Variants in APBB2 observed in about 807,000 individuals in gnomAD.
The protein encoded by APBB2 is amyloid beta precursor protein binding family B member 2.
In APBB2, 38 loss-of-function variants were observed where a neutral mutation model predicts 82.5. That is an observed-to-expected ratio of 0.46 (90% CI 0.36 to 0.60). The LOEUF is 0.60. Among genes scored for constraint, APBB2 ranks in the 20% least tolerant of loss-of-function variants. The pLI is 0.00. For synonymous variants in APBB2, 341 were observed against 368.2 expected (o/e 0.93, Z 0.85); for missense variants, 772 against 972.3 (o/e 0.79, Z 2.74).
At chr4:40,858,822 G>A (rs1036421804) in intron 12 of APBB2, among the ~76,000 whole-genome samples, 42 of 151,944 alleles carry the variant, frequency 2.8e-4, no homozygotes, top group African/African-American at 9.7e-4. Context: ...CTGAATCTAC[G>A]ATCAGTAACA....
intron 2 of APBB2, among the ~76,000 whole-genome samples, chr4:41,123,695 C>T (rs570314001): frequency 2.6e-4 from 40 of 152,166 alleles, no homozygotes; most frequent in African/African-American, 5.3e-4. Context: ...TGGTGGCATG[C>T]GCCTGCAGTA....
rs187357769 is a variant in APBB2, at chr4:40,949,479, G to A, written c.836-4406C>T. On this transcript the variant is annotated intron_variant, in intron 6 of 17. Coordinates refer to ENST00000508593, the MANE Select transcript of APBB2 (RefSeq NM_004307.2). ...CATAGCTAAGCCAAGAGAACAGTGG[G>A]GTCAAGTTATCGAAATACCAAGCAG... 9.2e-5 allele frequency among the ~76,000 whole-genome samples: 14 copies of A among 152,102 alleles called. 1 individual carries two copies. In the East Asian group the frequency reaches 2.7e-3, roughly 29 times the overall value.
chr4:40,909,066 C>A (rs149773259), intron 10 of APBB2, among the ~76,000 whole-genome samples: 2 of 152,348 alleles, frequency 1.3e-5, no homozygotes, highest in South Asian at 2.1e-4. Flanking sequence ...CAGTGTGGGG[C>A]TGAGGCCTCT....
At chr4:41,062,773 G>A (rs17588795) in intron 4 of APBB2, among the ~76,000 whole-genome samples, 30,266 of 152,074 alleles carry the variant, frequency 0.2, 4,077 homozygotes, top group East Asian at 0.54. Context: ...CAATCTCTAC[G>A]CTGAGCACAG....
intron 2 of APBB2, among the ~76,000 whole-genome samples, chr4:41,105,651 A>G (rs1054804270): frequency 2.4e-4 from 36 of 152,138 alleles, no homozygotes; most frequent in African/African-American, 8.7e-4. Flanking sequence ...CTAGGAGGCC[A>G]AGGCGGGCAG....
chr4:40,971,026 A>C (rs1431325488), intron 6 of APBB2, among the ~76,000 whole-genome samples: 1 of 152,190 alleles, frequency 6.6e-6, no homozygotes, highest in Admixed American at 6.5e-5. Flanking sequence ...TCAAGAGAAG[A>C]AGCATTTTCC....
chr4:40,867,109 T>C (rs1437898610), intron 12 of APBB2, among the ~76,000 whole-genome samples: 1 of 152,206 alleles, frequency 6.6e-6, no homozygotes, highest in African/African-American at 2.4e-5. Context: ...TACCTGCTTT[T>C]ACAAATAAAA....
intron 1 of APBB2, among the ~76,000 whole-genome samples, chr4:41,177,903 T>C (rs542591611): frequency 1.3e-5 from 2 of 152,306 alleles, no homozygotes; most frequent in East Asian, 3.9e-4. Context: ...AATGCTCCAG[T>C]GAGCATTTCC....
At chr4:41,106,764 C>A (rs1032049162) in intron 2 of APBB2, among the ~76,000 whole-genome samples, 6 of 152,192 alleles carry the variant, frequency 3.9e-5, no homozygotes, top group African/African-American at 9.7e-5. Flanking sequence ...GAGTGAGCCA[C>A]CGTGCCTGGC....
chr4:41,031,108 C>T (rs150333948), intron 5 of APBB2, among the ~76,000 whole-genome samples: 78 of 152,174 alleles, frequency 5.1e-4, no homozygotes, highest in South Asian at 1.2e-3. Context: ...GCCTGTAATC[C>T]CAGTTACTCG....
At chr4:41,034,719 T>C (rs1198583956) in intron 4 of APBB2, among the ~76,000 whole-genome samples, 1 of 152,208 alleles carries the variant, frequency 6.6e-6, no homozygotes, top group African/African-American at 2.4e-5. Context: ...CGTACACATA[T>C]AAATACATGT....
At chr4:40,943,731 T>C (rs1192348648) in intron 7 of APBB2, among the ~76,000 whole-genome samples, 1 of 152,216 alleles carries the variant, frequency 6.6e-6, no homozygotes, top group Non-Finnish European at 1.5e-5. Flanking sequence ...CAAAGCCCTA[T>C]ATGGGGTTCA....
At position 40,849,725 on chromosome 4, in the gene APBB2, C is replaced by CTTT. The variant is rs758207803; in HGVS notation, c.1530-19151_1530-19149dup. Among the ~76,000 whole-genome samples the CTTT allele has an allele frequency of 9.8e-3, 1,207 of 123,200 alleles. 45 individuals carry two copies. The highest frequency in any genetic ancestry group is 0.05 in the East Asian group (210 of 4,220). The allele number at this position is 123,200 out of a possible 152,430, so 80.8% of individuals were successfully genotyped here. A position where few individuals can be genotyped will look rare whatever the true frequency, so the allele number is the denominator to read the frequency against. On this transcript the variant is annotated intron_variant, in intron 12 of 17. Coordinates refer to ENST00000508593, the MANE Select transcript of APBB2 (RefSeq NM_004307.2). Reference sequence around the variant, plus strand: ...GTACTCTTCCTGTTTACTAAAGTTACTTTTTTTTTTTTTTTTTTTTGAGAC... The same window carrying CTTT: ...GTACTCTTCCTGTTTACTAAAGTTACTTTTTTTTTTTTTTTTTTTTTTTGAGAC...
At chr4:40,851,757 T>C (rs1447225329) in intron 12 of APBB2, among the ~76,000 whole-genome samples, 3 of 132,524 alleles carry the variant, frequency 2.3e-5, no homozygotes, top group Non-Finnish European at 3.2e-5. Context: ...TTTTTTTTTT[T>C]TCAAAACCAA....
At chr4:41,027,941 G>A (rs2154437905) in intron 5 of APBB2, among the ~76,000 whole-genome samples, 1 of 152,324 alleles carries the variant, frequency 6.6e-6, no homozygotes, top group Middle Eastern at 3.4e-3. Context: ...CAATTCAAGA[G>A]GATCGATTCC....
chr4:41,132,846 C>T (rs1208816655), intron 2 of APBB2, among the ~76,000 whole-genome samples: 2 of 151,940 alleles, frequency 1.3e-5, no homozygotes, highest in Non-Finnish European at 2.9e-5. Flanking sequence ...TTTTAAAAAA[C>T]ACTTAGTAAG....
intron 1 of APBB2, among the ~76,000 whole-genome samples, chr4:41,158,776 C>T (rs1764110496): frequency 1.3e-5 from 2 of 152,136 alleles, no homozygotes; most frequent in African/African-American, 4.8e-5. Flanking sequence ...GAACTAATAT[C>T]GATTGAGCAC....
At chr4:40,893,234 C>A (rs762565933) in intron 11 of APBB2, 31 bp downstream of exon 11, 1 of 1,604,670 alleles carries the variant, frequency 6.2e-7, no homozygotes. Flanking sequence ...ACGTAAACAG[C>A]CTGCCGTGCA....
At chr4:40,886,667 G>A (rs1029614974) in intron 12 of APBB2, among the ~76,000 whole-genome samples, 2 of 152,158 alleles carry the variant, frequency 1.3e-5, no homozygotes, top group African/African-American at 4.8e-5. Flanking sequence ...CAGTAGCCTG[G>A]CAGGCCCACA....
Sources: gnomAD v4.1 joint callset for allele counts (sites outside exome capture counted in the v4.1 genomes callset) on GRCh38, gnomAD v4.1.1 for gene constraint, MANE v1.5 for transcripts, NCBI Gene and HGNC (gene_info 2026-07-23, HGNC 2026-07-21) for gene names.